Variants in RTEL1 observed in about 807,000 individuals in gnomAD.
The protein encoded by RTEL1 is regulator of telomere length.
In RTEL1, 86 loss-of-function variants were observed where a neutral mutation model predicts 162.2. That is an observed-to-expected ratio of 0.53 (90% CI 0.45 to 0.63). RTEL1 has a LOEUF of 0.63. Ranked by LOEUF, RTEL1 falls within the 30% of genes least tolerant of loss-of-function variation. RTEL1 has a pLI of 0.00. For missense variants in RTEL1, 1,941 were observed against 1,750.2 expected (o/e 1.11, Z -1.95); for synonymous variants, 958 against 717.9 (o/e 1.33, Z -5.35).
intron 9 of RTEL1, 45 bp from the exon 10 acceptor site, chr20:63,673,895 G>T: frequency 6.5e-7 from 1 of 1,550,220 alleles, no homozygotes; most frequent in South Asian, 1.2e-5. Context: ...TGGAACCCCC[G>T]ATCCTGTCCT....
chr20:63,671,735 C>A (rs1402065539), intron 8 of RTEL1, among the ~76,000 whole-genome samples: 1 of 151,424 alleles, frequency 6.6e-6, no homozygotes, highest in South Asian at 2.1e-4. Flanking sequence ...TCGTGATCCG[C>A]CTGCCTCGGC....
chr20:63,667,686 A>G, intron 8 of RTEL1, 133 bp downstream of exon 8: 1 of 738,296 alleles, frequency 1.4e-6, no homozygotes, highest in Admixed American at 1.9e-5. Context: ...CACCTCTGTC[A>G]CTGGGCAGGG....
rs1568726669 is a variant in RTEL1 at position 63,695,487 on chromosome 20, C to G, written c.3659C>G (p.Pro1220Arg). The G allele has an allele frequency of 3.7e-6, 6 of 1,609,046 alleles. No individual in the cohort carries two copies. The change falls in exon 34 of 35, where the codon CCT (proline) becomes CGT (arginine). Residue 1220 changes from proline to arginine, a missense_variant. Coordinates refer to ENST00000360203, the MANE Select transcript of RTEL1 (RefSeq NM_001283009.2). The stretch of plus-strand genomic sequence containing the variant: ...CCTGCAGCATCTGAGTGGGGTGAGC[C>G]TCATGGGAGAGACATCGCTGGGCAG... ...HGPAASEWGE[P>R]HGRDIAGQQA...
chr20:63,674,746 G>T (rs1253549740), intron 10 of RTEL1, among the ~76,000 whole-genome samples: 2 of 151,754 alleles, frequency 1.3e-5, no homozygotes, highest in Non-Finnish European at 1.5e-5. Context: ...AGGGCATTTT[G>T]CATCTTTAAA....
rs1427721369 is a variant in RTEL1 at position 63,695,206 on chromosome 20, A to C, written c.3484A>C (p.Arg1162=). ...TGCCGTGCCTCCTGTGCTTACCCAC[A>C]GGGCTCCCCAACCAGGTAGGGCACC... The part of the protein sequence containing the change: ...RLAVPPVLTH[R]APQPGPSRSE... Residue 1162 remains arginine, a synonymous_variant, in exon 33 of 35, where the codon AGG becomes CGG. Coordinates refer to ENST00000360203, the MANE Select transcript of RTEL1 (RefSeq NM_001283009.2). 2 of 1,611,892 alleles carry C rather than the reference A, an allele frequency of 1.2e-6. No individual in the cohort carries two copies. Among genetic ancestry groups the C allele is most frequent in the Non-Finnish European group, 1.7e-6 (2 of 1,179,672 alleles).
chr20:63,684,772 C>T (rs894712739), intron 14 of RTEL1, among the ~76,000 whole-genome samples: 1 of 152,056 alleles, frequency 6.6e-6, no homozygotes. Flanking sequence ...CACGCCCGGC[C>T]TCTTGTTCTT....
chr20:63,673,748 C>T (rs578253596), intron 9 of RTEL1, among the ~76,000 whole-genome samples, 192 bp from the exon 10 acceptor site: 1 of 152,138 alleles, frequency 6.6e-6, no homozygotes, highest in Admixed American at 6.5e-5. Flanking sequence ...CTGAAACAAT[C>T]GTTTCTAAAT....
intron 10 of RTEL1, among the ~76,000 whole-genome samples, chr20:63,674,529 G>A (rs758744744): frequency 2.0e-5 from 3 of 152,046 alleles, no homozygotes; most frequent in Admixed American, 6.6e-5. Flanking sequence ...GCAACATGGC[G>A]GAACCTCGCC....
At chr20:63,667,662 TG>T in intron 8 of RTEL1, 109 bp downstream of exon 8, 4 of 891,676 alleles carry the variant, frequency 4.5e-6, no homozygotes, top group Non-Finnish European at 5.6e-6. Context: ...TCAGCAGGCC[TG>T]GGTGGGAGGA....
In RTEL1 at chr20:63,687,917, C is replaced by T. The variant is rs1425618853; in HGVS notation, c.1482-20C>T. 2 of 1,610,220 alleles carry T rather than the reference C, an allele frequency of 1.2e-6. No individual in the cohort carries two copies. Among genetic ancestry groups the T allele is most frequent in the East Asian group, 2.2e-5 (1 of 44,882 alleles). On this transcript the variant is annotated intron_variant, in intron 17 of 34. Transcript: ENST00000360203. ...TGCTGGTGCACTTCCCCACTGTCTGCTCCCTCTGGCCACGCTCAGCCCTTT... is the reference window on the plus strand; with the variant it reads ...TGCTGGTGCACTTCCCCACTGTCTGTTCCCTCTGGCCACGCTCAGCCCTTT...
chr20:63,665,478 C>T (rs2146167306), intron 6 of RTEL1, among the ~76,000 whole-genome samples: 1 of 152,332 alleles, frequency 6.6e-6, no homozygotes, highest in Non-Finnish European at 1.5e-5. Context: ...CCAGGGCTGC[C>T]ATGCTGCAGA....
chr20:63,692,782 AGCCTCGG>A lies in RTEL1; in HGVS notation c.2653-18_2653-12del. ...CAGATGATGAGGCTGGCCCTGATGG[AGCCTCGG>A]GCCTGTGTCCTGCAGGAGGAGCCCG... On this transcript the variant is annotated splice_polypyrimidine_tract_variant and intron_variant, in intron 28 of 34. Coordinates refer to ENST00000360203, the MANE Select transcript of RTEL1 (RefSeq NM_001283009.2). 1 of 1,599,996 alleles carries A rather than the reference AGCCTCGG, an allele frequency of 6.3e-7. No individual in the cohort carries two copies. Among genetic ancestry groups the A allele is most frequent in the Non-Finnish European group, 8.5e-7 (1 of 1,170,106 alleles).
chr20:63,679,371 G>T (rs2090436061), intron 12 of RTEL1, among the ~76,000 whole-genome samples: 1 of 152,168 alleles, frequency 6.6e-6, no homozygotes, highest in South Asian at 2.1e-4. Context: ...CCCTCCTGTA[G>T]CTTCTGCTGC....
intron 10 of RTEL1, among the ~76,000 whole-genome samples, chr20:63,675,295 C>T (rs992027562): frequency 4.6e-5 from 7 of 152,178 alleles, no homozygotes; most frequent in African/African-American, 1.2e-4. Context: ...ACTACTTGCT[C>T]GTGAGCATCT....
intron 8 of RTEL1, among the ~76,000 whole-genome samples, chr20:63,670,800 T>C (rs2090224066): frequency 7.0e-6 from 1 of 142,360 alleles, no homozygotes; most frequent in East Asian, 2.0e-4. Context: ...CTAGGCAACA[T>C]AGGGAGACCC....
rs191569273 is a variant in RTEL1 at position 63,694,024 on chromosome 20, G to C, written c.2993-348G>C. Among the ~76,000 whole-genome samples the C allele has an allele frequency of 9.5e-4, 145 of 152,042 alleles. 2 individuals are homozygous for C. Among genetic ancestry groups the C allele is most frequent in the Non-Finnish European group, 1.8e-3 (121 of 67,960 alleles). On this transcript the variant is annotated intron_variant, in intron 30 of 34. Transcript: ENST00000360203. ...ATCTGTGTTCGTGTGTTAATGAACA[G>C]CCCCTACAGAGTTCCCCTAGTTCAC...
At chr20:63,690,590 GC>G in intron 26 of RTEL1, 149 bp downstream of exon 26, 2 of 1,219,978 alleles carry the variant, frequency 1.6e-6, no homozygotes, top group Non-Finnish European at 2.2e-6. Context: ...CCCTCCTAGG[GC>G]AGGGCCCCCA....
intron 13 of RTEL1, 143 bp from the exon 14 acceptor site, chr20:63,680,521 G>T (rs992165380): frequency 3.2e-5 from 26 of 806,172 alleles, no homozygotes; most frequent in Middle Eastern, 3.7e-4. Flanking sequence ...CTGAATGGAT[G>T]CTGCGCTCCA....
Position 63,688,178 on chromosome 20 carries a change from G to C in RTEL1, c.1635G>C (p.Leu545=). The change falls in exon 19 of 35, where the codon CTG becomes CTC. Residue 545 remains leucine (L), a splice_region_variant and synonymous_variant. Coordinates refer to ENST00000360203, the MANE Select transcript of RTEL1 (RefSeq NM_001283009.2). ...GCTTATCCTCCCTGGGGAAGGCTCT[G>C]GGTGAGTGCCCTGAATGCCCCAGCT... ...EECLSSLGKA[L]GNIARVVPYG... is the part of the protein sequence containing the mutation. The C allele has an allele frequency of 1.2e-6, 2 of 1,611,926 alleles. No individual in the cohort carries two copies. The highest frequency in any genetic ancestry group is 1.7e-6 in the Non-Finnish European group (2 of 1,179,964).
Sources: allele counts gnomAD v4.1 joint callset (sites outside exome capture counted in the v4.1 genomes callset), GRCh38; gene constraint gnomAD v4.1.1; transcripts MANE v1.5; gene names NCBI Gene and HGNC (gene_info 2026-07-23, HGNC 2026-07-21).